Variants in MYO15B observed in about 807,000 individuals in gnomAD.
MYO15B encodes myosin XVB pseudogene.
MYO15B carries 207 observed loss-of-function variants against 119.3 expected under a neutral mutation model. The ratio of observed to expected loss-of-function variants is 1.73; its 90% confidence interval spans 1.55 to 1.95. The LOEUF is 1.95. Among genes scored for constraint, MYO15B ranks in the 30% most tolerant of loss-of-function variants. The pLI is 0.00. For synonymous variants in MYO15B, 966 were observed against 498.9 expected (o/e 1.94, Z -12.48); for missense variants, 2,264 against 1,203.1 (o/e 1.88, Z -13.04).
At chr17:75,623,817 T>C (rs779254430) in exon 54 of MYO15B, 6 of 702,984 alleles carry the variant, frequency 8.5e-6, no homozygotes, top group South Asian at 3.0e-5. Flanking sequence ...TGAGATTTAC[T>C]GCCAGGTTAT....
At chr17:75,626,009 A>G (rs1184156600) in intron 62 of MYO15B, 32 bp downstream of exon 62, 1 of 699,310 alleles carries the variant, frequency 1.4e-6, no homozygotes, top group Non-Finnish European at 2.6e-6. Context: ...GCACTGGCCT[A>G]GGGACCCTTG....
exon 12 of MYO15B, chr17:75,594,912 A>G: frequency 2.8e-6 from 2 of 703,008 alleles, no homozygotes; most frequent in Non-Finnish European, 5.2e-6. Context: ...CACGGCTGGC[A>G]CCACCAGGGG....
chr17:75,621,532 G>C (rs537001704), exon 52 of MYO15B: 2 of 702,416 alleles, frequency 2.8e-6, no homozygotes, highest in South Asian at 3.0e-5. Flanking sequence ...CTCAGCCTCA[G>C]TGATGATGTG....
In MYO15B at chr17:75,589,517, G is replaced by A. The variant is rs111719043; in HGVS notation, c.1460G>A (p.Trp487Ter). The change falls in exon 1 of 64, where the codon TGG (tryptophan) becomes TAG (stop). Residue 487 changes from tryptophan (W) to a stop codon, truncating the protein, a stop_gained. Transcript: ENST00000645453. LOFTEE classifies it high-confidence loss of function. This position sits in a 1 kb window ranked among gnomAD's most constrained non-coding sequence, Gnocchi z 4.2. ...GACCACCAGAGAGGGTACGAGGGGT[G>A]GGGCCGTGAGCCCGGGCTGCGGCAC... is the stretch of plus-strand genomic sequence containing the variant. 17 of 398,502 alleles carry A rather than the reference G, an allele frequency of 4.3e-5. No individual in the cohort carries two copies. The highest frequency in any genetic ancestry group is 2.7e-4 in the African/African-American group (13 of 48,574). 24.7% of individuals were successfully genotyped at this position (398,502 alleles called of 1,614,324 possible).
intron 33 of MYO15B, 60 bp from the exon 34 acceptor site, chr17:75,615,180 C>A (rs2058290562): frequency 4.4e-6 from 3 of 685,240 alleles, no homozygotes; most frequent in Admixed American, 4.0e-5. Flanking sequence ...GTGCCTGGGG[C>A]TGGAGGGAGG....
At chr17:75,620,968 G>T in intron 49 of MYO15B, 63 bp from the exon 50 acceptor site, 2 of 702,884 alleles carry the variant, frequency 2.8e-6, no homozygotes, top group South Asian at 3.0e-5. Context: ...GATGGGGCTG[G>T]GGCAGGACCC....
intron 9 of MYO15B, among the ~76,000 whole-genome samples, chr17:75,593,921 G>GAA (rs1466710375): frequency 1.5e-5 from 1 of 65,710 alleles, no homozygotes; most frequent in Non-Finnish European, 3.5e-5. Context: ...CTCAGTCTCA[G>GAA]AAGAAAAAAA....
chr17:75,626,126 G>A, exon 63 of MYO15B: 2 of 703,086 alleles, frequency 2.8e-6, no homozygotes, highest in Admixed American at 2.0e-5. Flanking sequence ...GCCTGCAGCG[G>A]CTCCACCTGC....
chr17:75,625,125 G>A (rs973115855), exon 60 of MYO15B: 12 of 696,300 alleles, frequency 1.7e-5, no homozygotes, highest in Non-Finnish European at 3.2e-5. Flanking sequence ...CCGCACAGGT[G>A]CTGTGGGACT....
intron 53 of MYO15B, among the ~76,000 whole-genome samples, chr17:75,623,189 G>C (rs2058807198): frequency 6.6e-6 from 1 of 152,038 alleles, no homozygotes. Flanking sequence ...AAATTAGCTG[G>C]GCGTGGTGGA....
At chr17:75,623,514 C>T (rs1034488900) in intron 53 of MYO15B, among the ~76,000 whole-genome samples, 2 of 152,174 alleles carry the variant, frequency 1.3e-5, no homozygotes, top group Non-Finnish European at 2.9e-5. Context: ...CCTATTAATA[C>T]TTGGGAGGCT....
In MYO15B at chr17:75,596,916, T is replaced by G. The variant is rs1598736920; in HGVS notation, c.3525+17T>G. 1 of 688,212 alleles carries G rather than the reference T, an allele frequency of 1.5e-6. No individual in the cohort carries two copies. Among genetic ancestry groups the G allele is most frequent in the Non-Finnish European group, 2.6e-6 (1 of 378,028 alleles). 42.6% of individuals were successfully genotyped at this position (688,212 alleles called of 1,614,324 possible). A position where few individuals can be genotyped will look rare whatever the true frequency, so the allele number is the denominator to read the frequency against. On this transcript the variant is annotated intron_variant, in intron 14 of 63. Coordinates refer to ENST00000645453, the Ensembl canonical transcript of MYO15B. Reference sequence around the variant, plus strand: ...CTGTCCCAGGTAAGGGCCAGGATGGTGACCCCCCACCCAGTGTCGGGAAGG... The same window carrying G: ...CTGTCCCAGGTAAGGGCCAGGATGGGGACCCCCCACCCAGTGTCGGGAAGG...
In MYO15B at chr17:75,589,837, G is replaced by A. The variant is rs1451197731; in HGVS notation, c.1780G>A (p.Glu594Lys). The change falls in exon 1 of 64, where the codon GAA (glutamate) becomes AAA (lysine). Residue 594 changes from glutamate to lysine, a missense_variant. Physicochemically the swap from Glu to Lys is moderately conservative, Grantham distance 56. Transcript: ENST00000645453. This position sits in a 1 kb window ranked among gnomAD's most constrained non-coding sequence, Gnocchi z 4.2. ...CAGTGAGGGGTGCAGGACGAGTGGG[G>A]AAGGGGTGTCCGGGCTTCGTCGCGG... 4.0e-5 allele frequency: 16 copies of A among 398,438 alleles called. No individual in the cohort carries two copies. Among genetic ancestry groups the A allele is most frequent in the Non-Finnish European group, 6.6e-5 (15 of 225,966 alleles). The allele number at this position is 398,438 out of a possible 1,614,324, so 24.7% of individuals were successfully genotyped here. A position where few individuals can be genotyped will look rare whatever the true frequency, so the allele number is the denominator to read the frequency against.
exon 17 of MYO15B, chr17:75,602,849 A>T (rs1176741774): frequency 1.3e-5 from 8 of 638,490 alleles, no homozygotes; most frequent in Admixed American, 7.4e-5. Flanking sequence ...AGCCTGTTCC[A>T]GGAGGCAGAG....
intron 9 of MYO15B, among the ~76,000 whole-genome samples, chr17:75,594,122 C>T (rs1053645244): frequency 7.0e-6 from 1 of 142,566 alleles, no homozygotes; most frequent in African/African-American, 2.6e-5. Flanking sequence ...AAAAATCAAA[C>T]GAGCAGCTGT....
At chr17:75,612,557 C>G (rs544796794) in intron 25 of MYO15B, among the ~76,000 whole-genome samples, 2 of 152,046 alleles carry the variant, frequency 1.3e-5, no homozygotes, top group African/African-American at 4.8e-5. Context: ...CCCAGCTACT[C>G]AGGAGGCTGA....
exon 50 of MYO15B, chr17:75,621,152 G>A (rs1452459278): frequency 1.7e-5 from 12 of 699,336 alleles, no homozygotes; most frequent in East Asian, 5.4e-5. Flanking sequence ...TTCGCCCGGC[G>A]TTACTTCCGG....
exon 19 of MYO15B, chr17:75,603,257 G>A (rs1201735497): frequency 1.4e-6 from 1 of 703,108 alleles, no homozygotes; most frequent in Non-Finnish European, 2.6e-6. Flanking sequence ...GGAGGCCGTG[G>A]GCACCCGCAG....
At chr17:75,617,630 G>C in intron 41 of MYO15B, 180 bp from the exon 42 acceptor site, 1 of 586,308 alleles carries the variant, frequency 1.7e-6, no homozygotes, top group South Asian at 2.0e-5. Context: ...GGACGCCAGG[G>C]AAAGTTTAGG....
Sources: gnomAD v4.1 joint callset for allele counts (sites outside exome capture counted in the v4.1 genomes callset) on GRCh38, gnomAD v4.1.1 for gene constraint, Gnocchi (gnomAD v3.1) non-coding constraint, MANE v1.5 for transcripts, NCBI Gene and HGNC (gene_info 2026-07-23, HGNC 2026-07-21) for gene names.